Variants in NOL4 observed in about 807,000 individuals in gnomAD.
NOL4 encodes nucleolar protein 4, also known as cancer/testis antigen 125.
Under a neutral mutation model 75.9 loss-of-function variants are expected in NOL4, and 17 were observed. The ratio of observed to expected loss-of-function variants is 0.22; its 90% CI spans 0.15 to 0.34. NOL4 has a LOEUF of 0.34. Among genes scored for constraint, NOL4 ranks in the 10% least tolerant of loss-of-function variants. The probability of loss-of-function intolerance (pLI) is 1.00; values close to 1 mark genes in which losing one functional copy is unlikely to be tolerated. For missense variants in NOL4, 614 were observed against 793.5 expected, an observed-to-expected ratio of 0.77 and a Z score of 2.72; for synonymous variants, 292 against 289.9, an observed-to-expected ratio of 1.01 and a Z score of -0.07.
At chr18:33,926,725 C>T (rs536432115) in intron 9 of NOL4, among the ~76,000 whole-genome samples, 10 of 152,148 alleles carry the variant, frequency 6.6e-5, no homozygotes, top group South Asian at 2.1e-4. Context: ...CTCAGCTTCC[C>T]GAGTAGCTGG....
chr18:34,116,209 C>T (rs2079849137), intron 2 of NOL4, among the ~76,000 whole-genome samples: 2 of 151,990 alleles, frequency 1.3e-5, no homozygotes, highest in African/African-American at 4.8e-5. Context: ...ATTAGTGATC[C>T]AGTGACAAAC....
At chr18:33,892,240 G>A (rs1020361788) in intron 9 of NOL4, among the ~76,000 whole-genome samples, 5 of 151,884 alleles carry the variant, frequency 3.3e-5, no homozygotes, top group Admixed American at 1.3e-4. Flanking sequence ...ACCACCCTGG[G>A]CAACAAAGCA....
At chr18:34,193,645 AAT>A (rs1297952355) in intron 1 of NOL4, among the ~76,000 whole-genome samples, 1 of 152,164 alleles carries the variant, frequency 6.6e-6, no homozygotes, top group Non-Finnish European at 1.5e-5. Context: ...TAGGAATGTA[AAT>A]TCATACAGCT....
At chr18:33,914,667 A>G (rs78040128) in intron 9 of NOL4, among the ~76,000 whole-genome samples, 1 of 152,194 alleles carries the variant, frequency 6.6e-6, no homozygotes, top group East Asian at 1.9e-4. Flanking sequence ...ACTTTTGGAC[A>G]TATTTTGAAG....
chr18:33,971,397 A>T (rs948119222), intron 6 of NOL4, among the ~76,000 whole-genome samples: 2 of 152,202 alleles, frequency 1.3e-5, no homozygotes, highest in Non-Finnish European at 2.9e-5. Flanking sequence ...AGAATTTTGC[A>T]GTTGGATCTG....
intron 6 of NOL4, among the ~76,000 whole-genome samples, chr18:33,998,147 A>G (rs921644822): frequency 6.6e-6 from 1 of 152,044 alleles, no homozygotes; most frequent in Non-Finnish European, 1.5e-5. Flanking sequence ...AGTCATAGTT[A>G]AGGGGTATAA....
chr18:33,864,588 C>A (rs1268637573), intron 10 of NOL4, among the ~76,000 whole-genome samples: 1 of 152,180 alleles, frequency 6.6e-6, no homozygotes, highest in Non-Finnish European at 1.5e-5. Context: ...CCCACATCTT[C>A]CTGTTTTCCT....
intron 5 of NOL4, among the ~76,000 whole-genome samples, chr18:34,081,716 T>C (rs2078019824): frequency 6.6e-6 from 1 of 152,148 alleles, no homozygotes; most frequent in African/African-American, 2.4e-5. Context: ...AATGAGAAGA[T>C]ACAAAATAAT....
chr18:34,004,783 C>T (rs1401303682), intron 6 of NOL4, among the ~76,000 whole-genome samples: 1 of 152,010 alleles, frequency 6.6e-6, no homozygotes, highest in East Asian at 1.9e-4. Flanking sequence ...GGAAAATCTT[C>T]CCAGACCACC....
At chr18:34,061,866 C>A (rs2077076285) in intron 5 of NOL4, among the ~76,000 whole-genome samples, 2 of 151,982 alleles carry the variant, frequency 1.3e-5, no homozygotes, top group Non-Finnish European at 2.9e-5. Context: ...AATGATTGAA[C>A]AGTCAGTAGG....
intron 9 of NOL4, among the ~76,000 whole-genome samples, chr18:33,941,444 G>A (rs1223850969): frequency 6.6e-6 from 1 of 151,902 alleles, no homozygotes; most frequent in Non-Finnish European, 1.5e-5. Flanking sequence ...TCAATTTCTA[G>A]AACTAGCATC....
At chr18:34,148,193 G>A (rs995969990) in intron 1 of NOL4, among the ~76,000 whole-genome samples, 3 of 151,528 alleles carry the variant, frequency 2.0e-5, no homozygotes, top group Admixed American at 6.6e-5. Flanking sequence ...TTTTGAAGGG[G>A]TTTCCTTGTC....
At chr18:34,008,258 C>G (rs893138134) in intron 6 of NOL4, among the ~76,000 whole-genome samples, 3 of 151,990 alleles carry the variant, frequency 2.0e-5, no homozygotes, top group African/African-American at 7.2e-5. Flanking sequence ...TTACACTGGA[C>G]CTATACCAGG....
intron 5 of NOL4, among the ~76,000 whole-genome samples, chr18:34,073,500 CAA>C (rs1344281973): frequency 6.6e-6 from 1 of 151,922 alleles, no homozygotes; most frequent in Non-Finnish European, 1.5e-5. Flanking sequence ...CTGCCTAATA[CAA>C]TGCAAATGCT....
At chr18:33,928,273 A>C (rs2067466129) in intron 9 of NOL4, among the ~76,000 whole-genome samples, 1 of 152,170 alleles carries the variant, frequency 6.6e-6, no homozygotes, top group Non-Finnish European at 1.5e-5. Flanking sequence ...TTTCTGTCGT[A>C]ATTTAAACCA....
At chr18:34,162,026 TCTA>T (rs1186508888) in intron 1 of NOL4, among the ~76,000 whole-genome samples, 1 of 152,172 alleles carries the variant, frequency 6.6e-6, no homozygotes, top group Non-Finnish European at 1.5e-5. Context: ...CCGGCAGAAA[TCTA>T]CTATCTCCCC....
chr18:34,021,912 G>A (rs1348187291), intron 5 of NOL4, among the ~76,000 whole-genome samples: 3 of 151,948 alleles, frequency 2.0e-5, no homozygotes, highest in Non-Finnish European at 2.9e-5. Context: ...AGACCAGCCT[G>A]GCCAACATGG....
intron 5 of NOL4, among the ~76,000 whole-genome samples, chr18:34,021,725 AGAG>A (rs1326778336): frequency 2.0e-5 from 3 of 152,176 alleles, no homozygotes; most frequent in South Asian, 4.1e-4. Context: ...ATGCAGAAAA[AGAG>A]GAGACAATTA....
chr18:34,173,906 A>G (rs542474653), intron 1 of NOL4, among the ~76,000 whole-genome samples: 1 of 152,164 alleles, frequency 6.6e-6, no homozygotes, highest in East Asian at 1.9e-4. Flanking sequence ...TGAATGATAT[A>G]ATATCTATTT....
Sources: allele counts gnomAD v4.1 joint callset (sites outside exome capture counted in the v4.1 genomes callset), GRCh38; gene constraint gnomAD v4.1.1; transcripts MANE v1.5; gene names NCBI Gene and HGNC (gene_info 2026-07-23, HGNC 2026-07-21).